The following CACNA2D1 variants were observed in gnomAD, a reference collection of about 807,000 sequenced individuals.
The protein encoded by CACNA2D1 is voltage-dependent calcium channel subunit alpha-2/delta-1.
In CACNA2D1, 53 loss-of-function variants were observed where a neutral mutation model predicts 171.5. That is an observed-to-expected ratio of 0.31 (90% CI 0.25 to 0.39). The LOEUF (loss-of-function observed/expected upper bound fraction) is 0.39. Ranked by LOEUF, CACNA2D1 falls within the 10% of genes least tolerant of loss-of-function variation. CACNA2D1 has a pLI of 1.00. For missense variants in CACNA2D1, 903 were observed against 1,299.8 expected, an observed-to-expected ratio of 0.69 and a Z score of 4.69; for synonymous variants, 442 against 443.1, an observed-to-expected ratio of 1.00 and a Z score of 0.03.
intron 10 of CACNA2D1, among the ~76,000 whole-genome samples, chr7:82,038,887 G>A (rs1220573330): frequency 6.6e-6 from 1 of 152,090 alleles, no homozygotes; most frequent in African/African-American, 2.4e-5. Context: ...CAACTCCAAC[G>A]ATAACTGCCC....
intron 4 of CACNA2D1, among the ~76,000 whole-genome samples, chr7:82,148,000 G>C (rs1793343197): frequency 6.6e-6 from 1 of 152,212 alleles, no homozygotes; most frequent in South Asian, 2.1e-4. Context: ...AGACGCCCCA[G>C]TAAAGGCCTG....
At chr7:82,138,863 T>A (rs1036230976) in intron 4 of CACNA2D1, among the ~76,000 whole-genome samples, 1 of 152,208 alleles carries the variant, frequency 6.6e-6, no homozygotes, top group Non-Finnish European at 1.5e-5. Context: ...CTTGTACCTC[T>A]GCAGTTTATA....
chr7:82,024,001 T>C (rs1562884643), intron 12 of CACNA2D1: 1 of 151,852 alleles, frequency 6.6e-6, no homozygotes, highest in Admixed American at 6.6e-5. Flanking sequence ...CTTTTATTTA[T>C]GCTGAGTAGC....
intron 29 of CACNA2D1, among the ~76,000 whole-genome samples, chr7:81,967,954 A>G (rs1794884078): frequency 6.6e-6 from 1 of 151,504 alleles, no homozygotes; most frequent in Non-Finnish European, 1.5e-5. Context: ...TTCAAACGGT[A>G]TATTTTAAGA....
chr7:82,243,225 C>A (rs1051270534), intron 3 of CACNA2D1, among the ~76,000 whole-genome samples: 1 of 152,088 alleles, frequency 6.6e-6, no homozygotes, highest in African/African-American at 2.4e-5. Flanking sequence ...GTTTCAAGTT[C>A]TCTCCATCCT....
At chr7:82,234,768 T>A (rs1803350564) in intron 3 of CACNA2D1, among the ~76,000 whole-genome samples, 1 of 152,146 alleles carries the variant, frequency 6.6e-6, no homozygotes, top group Admixed American at 6.5e-5. Context: ...CAAACCTGAT[T>A]TTTGAAAGTA....
intron 3 of CACNA2D1, among the ~76,000 whole-genome samples, chr7:82,178,444 A>T (rs1365910667): frequency 6.6e-6 from 1 of 152,070 alleles, no homozygotes; most frequent in South Asian, 2.1e-4. Flanking sequence ...TGTCCAAATG[A>T]ATATAATTTG....
At chr7:82,069,713 C>CTTTTTT (rs3839803) in intron 7 of CACNA2D1, among the ~76,000 whole-genome samples, 1 of 150,182 alleles carries the variant, frequency 6.7e-6, no homozygotes, top group Non-Finnish European at 1.5e-5. Flanking sequence ...CGAAGTACCC[C>CTTTTTT]TTTTTTTTTT....
At chr7:82,059,817 T>TA (rs1458112759) in intron 10 of CACNA2D1, among the ~76,000 whole-genome samples, 1 of 149,826 alleles carries the variant, frequency 6.7e-6, no homozygotes, top group African/African-American at 2.5e-5. Context: ...TATGCAGCCA[T>TA]AAAAAATGAT....
At chr7:82,350,475 C>G (rs943524088) in intron 1 of CACNA2D1, among the ~76,000 whole-genome samples, 1 of 152,084 alleles carries the variant, frequency 6.6e-6, no homozygotes, top group Non-Finnish European at 1.5e-5. Context: ...ACCATCCTGG[C>G]TAACACGGTG....
chr7:82,139,200 T>G (rs919743773), intron 4 of CACNA2D1, among the ~76,000 whole-genome samples: 1 of 152,168 alleles, frequency 6.6e-6, no homozygotes, highest in Non-Finnish European at 1.5e-5. Flanking sequence ...AGGATTACAC[T>G]TGGTCCATGG....
intron 3 of CACNA2D1, among the ~76,000 whole-genome samples, chr7:82,322,451 C>T (rs973427528): frequency 1.9e-5 from 2 of 103,926 alleles, no homozygotes; most frequent in African/African-American, 7.7e-5. Flanking sequence ...CCTGGCTTTA[C>T]AAAAAAAAAA....
At chr7:82,387,698 C>T (rs764525184) in intron 1 of CACNA2D1, among the ~76,000 whole-genome samples, 3 of 152,124 alleles carry the variant, frequency 2.0e-5, no homozygotes, top group Non-Finnish European at 4.4e-5. Flanking sequence ...ATTTTCTTAG[C>T]TAAATGCAAG....
At position 82,120,874 on chromosome 7, in the gene CACNA2D1, C is replaced by CAAAAAAA. The variant is rs749679830; in HGVS notation, c.397-3708_397-3702dup. Among the ~76,000 whole-genome samples, 210 of 104,554 alleles carry CAAAAAAA rather than the reference C, an allele frequency of 2.0e-3. 1 individual carries two copies. Among genetic ancestry groups the CAAAAAAA allele is most frequent in the South Asian group, 0.018 (50 of 2,808 alleles). The allele number at this position is 104,554 out of a possible 152,430, so 68.6% of individuals were successfully genotyped here. ...TGGGTGACAGAGCGAGACTCTATCT[C>CAAAAAAA]AAAAAAAAAAAAAAAAAAGAATGTT... On this transcript the variant is annotated intron_variant, in intron 5 of 38. Coordinates refer to ENST00000356860, the MANE Select transcript of CACNA2D1 (RefSeq NM_000722.4).
intron 3 of CACNA2D1, among the ~76,000 whole-genome samples, chr7:82,244,532 T>G (rs987330602): frequency 1.3e-5 from 2 of 152,092 alleles, no homozygotes; most frequent in Non-Finnish European, 2.9e-5. Context: ...ACTAATAACT[T>G]CTAAGAGGTA....
At position 81,959,841 on chromosome 7, in the gene CACNA2D1, A is replaced by G. The variant is rs1793890554; in HGVS notation, c.2967-12T>C. ...CTCCATGAAAGATTCTGCAAAATAA[A>G]TATGGTATCATAGAAAATGAGTATC... On this transcript the variant is annotated splice_polypyrimidine_tract_variant and intron_variant, in intron 36 of 38. Transcript: ENST00000356860. 6.2e-7 allele frequency: 1 copy of G among 1,609,406 alleles called. No individual in the cohort carries two copies. Among genetic ancestry groups the G allele is most frequent in the South Asian group, 1.1e-5 (1 of 90,700 alleles).
chr7:82,164,140 A>C lies in CACNA2D1; in HGVS notation c.354+6410T>G, dbSNP rs140215249. On this transcript the variant is annotated intron_variant, in intron 4 of 38. Coordinates refer to ENST00000356860, the MANE Select transcript of CACNA2D1 (RefSeq NM_000722.4). ...TCAGACATGTAAAAGTGCAGTTCAA[A>C]TTTTCATTATCTCCACAGTAATATT... Among the ~76,000 whole-genome samples, 527 of 152,042 alleles carry C rather than the reference A, an allele frequency of 3.5e-3. 5 individuals carry two copies. Among genetic ancestry groups the C allele is most frequent in the African/African-American group, 0.012 (483 of 41,518 alleles).
intron 6 of CACNA2D1, among the ~76,000 whole-genome samples, chr7:82,092,283 A>G (rs1047030986): frequency 2.0e-5 from 3 of 152,366 alleles, no homozygotes; most frequent in African/African-American, 7.2e-5. Context: ...TTTCAAATTT[A>G]GGAACATTAT....
At chr7:82,048,264 G>T (rs1300624897) in intron 10 of CACNA2D1, among the ~76,000 whole-genome samples, 2 of 151,886 alleles carry the variant, frequency 1.3e-5, no homozygotes, top group South Asian at 4.1e-4. Context: ...ATAAATTAAT[G>T]ACAAAAAGAT....
Sources: allele counts gnomAD v4.1 joint callset (sites outside exome capture counted in the v4.1 genomes callset), GRCh38; gene constraint gnomAD v4.1.1; transcripts MANE v1.5; gene names NCBI Gene and HGNC (gene_info 2026-07-23, HGNC 2026-07-21).